The following ZMYND8 variants were observed in gnomAD, a reference collection of about 807,000 sequenced individuals.
ZMYND8 encodes zinc finger MYND-type containing 8.
Under a neutral mutation model 140.8 loss-of-function variants are expected in ZMYND8, and 37 were observed. That is an observed-to-expected ratio of 0.26 (90% confidence interval 0.20 to 0.35). The LOEUF is 0.35. ZMYND8 is among the 10% of genes least tolerant of loss of function. The pLI is 1.00. For synonymous variants in ZMYND8, 592 were observed against 597.1 expected, an observed-to-expected ratio of 0.99 and a Z score of 0.12; for missense variants, 1,068 against 1,570.0, an observed-to-expected ratio of 0.68 and a Z score of 5.40.
At chr20:47,307,929 C>A (rs1421390737) in intron 3 of ZMYND8, among the ~76,000 whole-genome samples, 2 of 151,712 alleles carry the variant, frequency 1.3e-5, no homozygotes, top group Non-Finnish European at 2.9e-5. Context: ...ACCAGCCTGG[C>A]CAAAATGGAG....
At chr20:47,312,679 A>G (rs2079026793) in intron 2 of ZMYND8, among the ~76,000 whole-genome samples, 1 of 151,970 alleles carries the variant, frequency 6.6e-6, no homozygotes, top group South Asian at 2.1e-4. Flanking sequence ...AATCCCAGCT[A>G]CTTGGGAGGC....
intron 1 of ZMYND8, among the ~76,000 whole-genome samples, chr20:47,349,457 G>A (rs566429455): frequency 9.9e-5 from 15 of 152,226 alleles, no homozygotes; most frequent in Admixed American, 2.6e-4. Context: ...ATAATACAAC[G>A]GTGATTTATT....
At position 47,262,267 on chromosome 20, in the gene ZMYND8, C is replaced by A. The variant is rs766001290; in HGVS notation, c.1621+21G>T. The A allele has an allele frequency of 2.5e-6, 4 of 1,613,938 alleles. No individual in the cohort carries two copies. In the African/African-American group the frequency reaches 5.3e-5, roughly 22 times the overall value. ...TATCCACAGTTGCCACAGAAAGATA[C>A]TGGCAAAAATTCTGACTGACCCAGG... On this transcript the variant is annotated intron_variant, in intron 12 of 22. Coordinates refer to ENST00000471951, the MANE Select transcript of ZMYND8 (RefSeq NM_001281775.3).
chr20:47,308,888 C>T (rs1398880258), intron 3 of ZMYND8, among the ~76,000 whole-genome samples: 3 of 152,192 alleles, frequency 2.0e-5, no homozygotes, highest in Admixed American at 6.5e-5. Flanking sequence ...ATTCAACTTT[C>T]CATCCCCAGG....
intron 16 of ZMYND8, 103 bp from the exon 17 acceptor site, chr20:47,229,909 T>G: frequency 9.6e-7 from 1 of 1,045,196 alleles, no homozygotes; most frequent in Non-Finnish European, 1.4e-6. Context: ...GTTCTCAACT[T>G]AGGGCAATTT....
intron 13 of ZMYND8, among the ~76,000 whole-genome samples, chr20:47,248,609 A>G (rs967487764): frequency 2.6e-5 from 4 of 152,238 alleles, no homozygotes; most frequent in African/African-American, 9.7e-5. Context: ...AGTACCATAG[A>G]GAAGGCAAAT....
chr20:47,257,587 C>CA (rs150279987), intron 12 of ZMYND8, among the ~76,000 whole-genome samples: 2 of 152,080 alleles, frequency 1.3e-5, no homozygotes, highest in East Asian at 3.9e-4. Flanking sequence ...ACCATACACA[C>CA]ATACATATAC....
At position 47,289,612 on chromosome 20, in the gene ZMYND8, G is replaced by GAA. The variant is rs11423749; in HGVS notation, c.748+573_748+574dup. Among the ~76,000 whole-genome samples the GAA allele has an allele frequency of 0.013, 1,909 of 147,150 alleles. 67 individuals are homozygous for GAA. The East Asian group carries it at 0.15, about 12-fold the overall frequency. On this transcript the variant is annotated intron_variant, in intron 7 of 22. Coordinates refer to ENST00000471951, the MANE Select transcript of ZMYND8 (RefSeq NM_001281775.3). ...ATGAATGGCGGCATATTGATCGAATGAAAAAAAAAAATCAGCAACAAAAAA... is the reference window on the plus strand; with the variant it reads ...ATGAATGGCGGCATATTGATCGAATGAAAAAAAAAAAAATCAGCAACAAAAAA...
intron 2 of ZMYND8, among the ~76,000 whole-genome samples, chr20:47,340,458 A>G (rs1230621719): frequency 6.6e-6 from 1 of 151,710 alleles, no homozygotes; most frequent in Non-Finnish European, 1.5e-5. Flanking sequence ...CCACTGCACT[A>G]CACTGCAGCC....
chr20:47,227,067 G>C (rs762395079), intron 18 of ZMYND8, 136 bp downstream of exon 18: 144 of 919,136 alleles, frequency 1.6e-4, no homozygotes, highest in Non-Finnish European at 2.3e-4. Context: ...AGACTCTCAG[G>C]ATTCTGTGGT....
chr20:47,249,192 G>T, intron 13 of ZMYND8, 95 bp downstream of exon 13: 1 of 1,442,046 alleles, frequency 6.9e-7, no homozygotes, highest in Non-Finnish European at 9.3e-7. Flanking sequence ...GCTAAAAGCA[G>T]CCAGGATTCA....
At chr20:47,270,849 G>A (rs977059755) in intron 11 of ZMYND8, among the ~76,000 whole-genome samples, 9 of 151,928 alleles carry the variant, frequency 5.9e-5, no homozygotes, top group South Asian at 4.2e-4. Context: ...AGGCAGAGGC[G>A]GGCAGATCAC....
intron 13 of ZMYND8, among the ~76,000 whole-genome samples, chr20:47,247,501 CA>C (rs1568983733): frequency 6.6e-6 from 1 of 152,196 alleles, no homozygotes; most frequent in Admixed American, 6.5e-5. Flanking sequence ...TACACACAAA[CA>C]AAAATGGGCA....
At chr20:47,340,129 A>G (rs1025191652) in intron 2 of ZMYND8, among the ~76,000 whole-genome samples, 2 of 152,026 alleles carry the variant, frequency 1.3e-5, no homozygotes, top group African/African-American at 4.8e-5. Flanking sequence ...TTTAGTGGAC[A>G]CTGGGTTTCA....
chr20:47,256,311 C>T (rs2074712562), intron 12 of ZMYND8, among the ~76,000 whole-genome samples: 1 of 151,642 alleles, frequency 6.6e-6, no homozygotes, highest in South Asian at 2.1e-4. Flanking sequence ...GAGACCCTGT[C>T]TCTATATTAT....
chr20:47,350,328 G>GAAAAA (rs3084684), intron 1 of ZMYND8, among the ~76,000 whole-genome samples: 1 of 93,244 alleles, frequency 1.1e-5, no homozygotes, highest in East Asian at 4.0e-4. Context: ...ATTAAAAGGA[G>GAAAAA]AAAAAAAAAA....
Position 47,294,663 on chromosome 20 carries a change from T to C in ZMYND8, c.567+3A>G. 1 of 1,613,520 alleles carries C rather than the reference T, an allele frequency of 6.2e-7. No individual in the cohort carries two copies. The highest frequency in any genetic ancestry group is 8.5e-7 in the Non-Finnish European group (1 of 1,179,430). ...CGTATACCAAGAGGAACTTTCTTCT[T>C]ACCCCTGGCTGTTTCATTTTCTGAA... On this transcript the variant is annotated splice_donor_region_variant and intron_variant, in intron 5 of 22. Transcript: ENST00000471951.
chr20:47,335,428 C>G (rs546799222), intron 2 of ZMYND8, among the ~76,000 whole-genome samples: 126 of 152,126 alleles, frequency 8.3e-4, no homozygotes, highest in African/African-American at 2.6e-3. Flanking sequence ...CTCACCCCCC[C>G]ACAGCCATGA....
rs1157826841 is a variant in ZMYND8 at position 47,220,321 on chromosome 20, G to A, written c.3421C>T (p.Leu1141Phe). 6.4e-7 allele frequency: 1 copy of A among 1,557,770 alleles called. No individual in the cohort carries two copies. The highest frequency in any genetic ancestry group is 2.4e-5 in the East Asian group (1 of 41,512). Reference sequence around the variant, plus strand: ...GTCTCTCTGGAGCCAGAAAGGTCAAGGGTCTAGAAATACAAAAAGAAAAAG... The same window carrying A: ...GTCTCTCTGGAGCCAGAAAGGTCAAAGGTCTAGAAATACAAAAAGAAAAAG... ...AEKSKESGSTLDLSGSRETPS... is the reference protein window; with the variant it reads ...AEKSKESGSTFDLSGSRETPS... The change falls in exon 21 of 23, where the codon CTT becomes TTT. Residue 1141 changes from leucine to phenylalanine, a missense_variant. Coordinates refer to ENST00000471951, the MANE Select transcript of ZMYND8 (RefSeq NM_001281775.3).
Sources: allele counts gnomAD v4.1 joint callset (sites outside exome capture counted in the v4.1 genomes callset), GRCh38; gene constraint gnomAD v4.1.1; transcripts MANE v1.5; gene names NCBI Gene and HGNC (gene_info 2026-07-23, HGNC 2026-07-21).